The following CLVS1 variants were observed in gnomAD, a reference collection of about 807,000 sequenced individuals.
CLVS1 encodes the protein clavesin 1.
Under a neutral mutation model 33.1 loss-of-function variants are expected in CLVS1, and 10 were observed. That is an observed-to-expected ratio of 0.30 (90% CI 0.19 to 0.51). The LOEUF (loss-of-function observed/expected upper bound fraction) is 0.51, where lower values mean the gene tolerates loss of function less well. Among genes scored for constraint, CLVS1 ranks in the 20% least tolerant of loss-of-function variants. The pLI, the probability that CLVS1 is intolerant of heterozygous loss-of-function variation, is 0.97. For synonymous variants in CLVS1, 163 were observed against 166.1 expected (o/e 0.98, Z 0.14); for missense variants, 343 against 433.4 (o/e 0.79, Z 1.85).
intron 2 of CLVS1, among the ~76,000 whole-genome samples, chr8:61,237,289 A>G (rs1006087147): frequency 2.0e-5 from 3 of 151,532 alleles, no homozygotes; most frequent in South Asian, 2.1e-4. Flanking sequence ...ATAGGAAAAG[A>G]AAAAAAAAGG....
chr8:61,380,748 G>A (rs1054452517), intron 3 of CLVS1, among the ~76,000 whole-genome samples: 3 of 152,200 alleles, frequency 2.0e-5, no homozygotes, highest in African/African-American at 7.2e-5. Context: ...GTTCTGCTGG[G>A]GATTTCTGGC....
the CLVS1 span, among the ~76,000 whole-genome samples, chr8:60,989,008 G>T: frequency 9.2e-5 from 14 of 152,082 alleles, no homozygotes; most frequent in Non-Finnish European, 1.9e-4. Flanking sequence ...GAGACTACAG[G>T]TGTGGGCCAC....
the CLVS1 span, among the ~76,000 whole-genome samples, chr8:60,976,811 C>T: frequency 0.03 from 4,608 of 152,330 alleles, 96 homozygotes; most frequent in Middle Eastern, 0.048. Context: ...ATTCCTGATG[C>T]GGCTTTCTGC....
chr8:61,454,064 T>C, intron 3 of CLVS1, 77 bp from the exon 4 acceptor site: 3 of 976,708 alleles, frequency 3.1e-6, no homozygotes, highest in Non-Finnish European at 5.0e-6. Flanking sequence ...GGTTGTTCTT[T>C]GGGGCATTGG....
chr8:61,413,977 T>C (rs1403680998), intron 3 of CLVS1, among the ~76,000 whole-genome samples: 2 of 152,228 alleles, frequency 1.3e-5, no homozygotes, highest in East Asian at 1.9e-4. Flanking sequence ...TACAGGGAAC[T>C]GCATTTCTAG....
chr8:61,122,569 A>AACACACAC (rs4033855), intron 1 of CLVS1, among the ~76,000 whole-genome samples: 4,714 of 144,536 alleles, frequency 0.033, 107 homozygotes, highest in Admixed American at 0.064. Flanking sequence ...ATATTAAGAA[A>AACACACAC]ACACACACAC....
chr8:61,162,654 T>C (rs1302778909), intron 2 of CLVS1, among the ~76,000 whole-genome samples: 1 of 152,236 alleles, frequency 6.6e-6, no homozygotes, highest in Non-Finnish European at 1.5e-5. Context: ...GTATTTTTAG[T>C]ATGAGCACTC....
intron 2 of CLVS1, among the ~76,000 whole-genome samples, chr8:61,151,209 T>C (rs932950786): frequency 3.0e-4 from 46 of 152,258 alleles, no homozygotes; most frequent in African/African-American, 1.1e-3. Flanking sequence ...CTTGGTGGAA[T>C]TTGAAAGGTA....
intron 2 of CLVS1, among the ~76,000 whole-genome samples, chr8:61,180,515 A>T (rs1807207707): frequency 6.6e-6 from 1 of 152,180 alleles, no homozygotes; most frequent in African/African-American, 2.4e-5. Context: ...CTGATACCAT[A>T]ACCTGACAAA....
chr8:61,300,431 GT>G (rs1256797976), intron 2 of CLVS1, 149 bp downstream of exon 2: 11 of 656,568 alleles, frequency 1.7e-5, no homozygotes, highest in Non-Finnish European at 2.8e-5. Context: ...CAGGTGTGCT[GT>G]CTTCAAAAGG....
chr8:61,062,844 G>A (rs1245615481), intron 1 of CLVS1, among the ~76,000 whole-genome samples: 1 of 152,158 alleles, frequency 6.6e-6, no homozygotes, highest in East Asian at 1.9e-4. Context: ...GACTTTAGAT[G>A]TTCAACCCTC....
intron 2 of CLVS1, among the ~76,000 whole-genome samples, chr8:61,198,108 T>C (rs541077333): frequency 2.1e-5 from 3 of 145,270 alleles, no homozygotes; most frequent in Non-Finnish European, 4.7e-5. Context: ...AAATTTGGTG[T>C]TCCTTCCAGA....
the CLVS1 span, among the ~76,000 whole-genome samples, chr8:61,010,901 G>C: frequency 6.6e-6 from 1 of 152,240 alleles, no homozygotes. Context: ...CGCAGCGCCT[G>C]GCTGGGGCTT....
chr8:61,376,690 A>G lies in CLVS1; in HGVS notation c.541A>G (p.Ile181Val), dbSNP rs539105206. The G allele has an allele frequency of 1.2e-6, 2 of 1,614,152 alleles. No individual in the cohort carries two copies. The highest frequency in any genetic ancestry group is 2.7e-5 in the African/African-American group (2 of 75,040). The change falls in exon 3 of 6, where the codon ATT becomes GTT. Residue 181 changes from isoleucine to valine, a missense_variant. Transcript: ENST00000325897. ...TCCGGAGCTTCAGATAAATGGCTTC[A>G]TTTTAATTATAGACTGGAGTAATTT... The part of the protein sequence containing the change: ...EDPELQINGF[I>V]LIIDWSNFSF...
At chr8:61,150,101 G>GGTGTGTGTGTGTGGGT (rs1554540385) in intron 2 of CLVS1, among the ~76,000 whole-genome samples, 1 of 146,438 alleles carries the variant, frequency 6.8e-6, no homozygotes, top group South Asian at 2.2e-4. Flanking sequence ...ATTTGAGAAA[G>GGTGTGTGTGTGTGGGT]GTGTGTGTGT....
intron 5 of CLVS1, among the ~76,000 whole-genome samples, chr8:61,486,756 A>G (rs1307560331): frequency 1.3e-5 from 2 of 152,172 alleles, no homozygotes; most frequent in Non-Finnish European, 2.9e-5. Context: ...TCACTAAAGT[A>G]TCATCACCCC....
intron 2 of CLVS1, among the ~76,000 whole-genome samples, chr8:61,146,170 A>C (rs1440026610): frequency 6.6e-6 from 1 of 151,934 alleles, no homozygotes; most frequent in Admixed American, 6.6e-5. Flanking sequence ...GCTTCACAGG[A>C]AAAAAAAATT....
intron 5 of CLVS1, among the ~76,000 whole-genome samples, chr8:61,490,349 A>C (rs1023343733): frequency 6.6e-6 from 1 of 151,504 alleles, no homozygotes; most frequent in Non-Finnish European, 1.5e-5. Context: ...AAGGAAAGAA[A>C]TTTATGGAAA....
the CLVS1 span, among the ~76,000 whole-genome samples, chr8:60,982,048 G>A: frequency 2.6e-5 from 4 of 152,138 alleles, no homozygotes; most frequent in Non-Finnish European, 5.9e-5. Flanking sequence ...GGCAAACTCC[G>A]CCAGCCTGCT....
Sources: gnomAD v4.1 joint callset for allele counts (sites outside exome capture counted in the v4.1 genomes callset) on GRCh38, gnomAD v4.1.1 for gene constraint, MANE v1.5 for transcripts, NCBI Gene and HGNC (gene_info 2026-07-23, HGNC 2026-07-21) for gene names.